The following CORIN variants were observed in gnomAD, a reference collection of about 807,000 sequenced individuals.
CORIN encodes the protein atrial natriuretic peptide-converting enzyme.
A neutral mutation model predicts 125.3 loss-of-function variants in CORIN; 117 were observed. The ratio of observed to expected loss-of-function variants is 0.93; its 90% CI spans 0.80 to 1.09. The LOEUF is 1.09. CORIN is among the 50% of genes least tolerant of loss of function. CORIN has a pLI of 0.00. For missense variants in CORIN, 1,253 were observed against 1,306.7 expected (o/e 0.96, Z 0.63); for synonymous variants, 450 against 466.4 (o/e 0.96, Z 0.45).
chr4:47,798,617 A>C (rs559843680), intron 2 of CORIN, among the ~76,000 whole-genome samples: 66 of 152,310 alleles, frequency 4.3e-4, no homozygotes, highest in African/African-American at 1.5e-3. Flanking sequence ...ATTTGGACAG[A>C]TATTACTTCA....
chr4:47,692,182 G>T (rs936542149), intron 6 of CORIN, among the ~76,000 whole-genome samples: 2 of 152,162 alleles, frequency 1.3e-5, no homozygotes, highest in Non-Finnish European at 2.9e-5. Context: ...TACTAACTGT[G>T]GCTGTTTATA....
chr4:47,829,264 T>C (rs1438908665), intron 1 of CORIN, among the ~76,000 whole-genome samples: 2 of 152,054 alleles, frequency 1.3e-5, no homozygotes, highest in African/African-American at 2.4e-5. Context: ...TAAGCTATCT[T>C]ATTAAGTTCA....
At chr4:47,688,933 T>C (rs560269914) in intron 6 of CORIN, among the ~76,000 whole-genome samples, 1 of 152,354 alleles carries the variant, frequency 6.6e-6, no homozygotes, top group East Asian at 1.9e-4. Context: ...AAGATTATTA[T>C]AGATACAGTC....
chr4:47,656,861 T>G (rs1012282234), intron 12 of CORIN, among the ~76,000 whole-genome samples: 1 of 152,222 alleles, frequency 6.6e-6, no homozygotes, highest in African/African-American at 2.4e-5. Flanking sequence ...TTGCAAATGA[T>G]ATGATCTTAT....
intron 3 of CORIN, among the ~76,000 whole-genome samples, chr4:47,770,803 T>G (rs536764571): frequency 6.6e-6 from 1 of 152,220 alleles, no homozygotes; most frequent in East Asian, 1.9e-4. Context: ...ATGATTTCAC[T>G]TATATGTGGA....
intron 12 of CORIN, among the ~76,000 whole-genome samples, chr4:47,660,064 G>A (rs992281640): frequency 6.6e-6 from 1 of 152,156 alleles, no homozygotes; most frequent in African/African-American, 2.4e-5. Flanking sequence ...TTCAGCAAAG[G>A]TTTCAAGAAC....
intron 3 of CORIN, among the ~76,000 whole-genome samples, chr4:47,785,231 T>C (rs1730733137): frequency 6.6e-6 from 1 of 152,216 alleles, no homozygotes; most frequent in Non-Finnish European, 1.5e-5. Context: ...TACTGTGCTC[T>C]GATTATTTTT....
chr4:47,675,204 G>A (rs1724959879), intron 9 of CORIN, among the ~76,000 whole-genome samples: 1 of 152,136 alleles, frequency 6.6e-6, no homozygotes, highest in African/African-American at 2.4e-5. Flanking sequence ...ATTAAATGGA[G>A]AAGGTAATAA....
chr4:47,811,313 G>T (rs539432517), intron 1 of CORIN, among the ~76,000 whole-genome samples: 1 of 152,288 alleles, frequency 6.6e-6, no homozygotes, highest in South Asian at 2.1e-4. Context: ...CAGAGGTTCT[G>T]GGGAGGGCTT....
chr4:47,811,529 G>A (rs1732060943), intron 1 of CORIN, among the ~76,000 whole-genome samples: 1 of 152,178 alleles, frequency 6.6e-6, no homozygotes, highest in African/African-American at 2.4e-5. Context: ...TTGTTTGGAG[G>A]TTCTAGCTGG....
At chr4:47,609,159 A>G (rs574886263) in intron 19 of CORIN, among the ~76,000 whole-genome samples, 2 of 152,286 alleles carry the variant, frequency 1.3e-5, no homozygotes, top group Admixed American at 6.5e-5. Flanking sequence ...ATACCACACT[A>G]TGGCATCATT....
chr4:47,671,445 T>C (rs530050664), intron 10 of CORIN, among the ~76,000 whole-genome samples: 1 of 152,360 alleles, frequency 6.6e-6, no homozygotes, highest in African/African-American at 2.4e-5. Flanking sequence ...TTTTCAAATG[T>C]ATGAAGGATT....
chr4:47,664,650 G>C (rs550158779), intron 11 of CORIN, among the ~76,000 whole-genome samples: 34 of 152,332 alleles, frequency 2.2e-4, no homozygotes, highest in Middle Eastern at 3.4e-3. Flanking sequence ...TCTCTAACAA[G>C]TGCTGTCAGA....
At chr4:47,777,398 C>T (rs1577914449) in intron 3 of CORIN, among the ~76,000 whole-genome samples, 1 of 152,166 alleles carries the variant, frequency 6.6e-6, no homozygotes, top group East Asian at 1.9e-4. Flanking sequence ...TTTGGGAGGC[C>T]GAGGCAGGCA....
At chr4:47,674,342 C>T (rs1724908851) in intron 10 of CORIN, 51 bp downstream of exon 10, 1 of 1,233,154 alleles carries the variant, frequency 8.1e-7, no homozygotes. Context: ...AAGAAAAATG[C>T]TGAATGCATG....
At chr4:47,753,046 T>C (rs556931368) in intron 4 of CORIN, among the ~76,000 whole-genome samples, 1 of 152,334 alleles carries the variant, frequency 6.6e-6, no homozygotes, top group African/African-American at 2.4e-5. Context: ...AGGTTCTTTC[T>C]ATTTTCCCTA....
chr4:47,708,017 A>G (rs1212774546), intron 5 of CORIN, among the ~76,000 whole-genome samples: 1 of 152,242 alleles, frequency 6.6e-6, no homozygotes, highest in Non-Finnish European at 1.5e-5. Context: ...GGATGAAACT[A>G]AAGCTCCAGT....
At position 47,674,385 on chromosome 4, in the gene CORIN, G is replaced by A. The variant is rs370558502; in HGVS notation, c.1357+8C>T. On this transcript the variant is annotated splice_region_variant and intron_variant, in intron 10 of 21. Coordinates refer to ENST00000273857, the MANE Select transcript of CORIN (RefSeq NM_006587.4). The stretch of plus-strand genomic sequence containing the variant: ...ATGGCTATTGCATTTGTCAGCTGTT[G>A]TACTTACTACAGTTATTCAGACTGT... The A allele has an allele frequency of 7.0e-5, 111 of 1,575,304 alleles. No individual in the cohort carries two copies. Among genetic ancestry groups the A allele is most frequent in the Non-Finnish European group, 9.4e-5 (108 of 1,144,918 alleles).
intron 12 of CORIN, chr4:47,661,490 T>C: frequency 2.1e-6 from 1 of 485,248 alleles, no homozygotes; most frequent in Non-Finnish European, 3.6e-6. Context: ...AGAATAGAAA[T>C]AGAAAATGAC....
Sources: gnomAD v4.1 joint callset for allele counts (sites outside exome capture counted in the v4.1 genomes callset) on GRCh38, gnomAD v4.1.1 for gene constraint, MANE v1.5 for transcripts, NCBI Gene and HGNC (gene_info 2026-07-23, HGNC 2026-07-21) for gene names.